CADPS2: variants seen among roughly 807,000 people sequenced by gnomAD.
CADPS2 encodes the protein calcium-dependent secretion activator 2.
A neutral mutation model predicts 172.5 loss-of-function variants in CADPS2; 93 were observed. That is an observed-to-expected ratio of 0.54 (90% CI 0.46 to 0.64). The LOEUF is 0.64. Among genes scored for constraint, CADPS2 ranks in the 30% least tolerant of loss-of-function variants. The pLI is 0.00. For missense variants in CADPS2, 1,420 were observed against 1,565.9 expected, an observed-to-expected ratio of 0.91 and a Z score of 1.57; for synonymous variants, 546 against 555.2, an observed-to-expected ratio of 0.98 and a Z score of 0.23.
intron 8 of CADPS2, among the ~76,000 whole-genome samples, chr7:122,552,356 C>A (rs1043738826): frequency 1.3e-5 from 2 of 152,058 alleles, no homozygotes; most frequent in Non-Finnish European, 2.9e-5. Flanking sequence ...GATAATTGGG[C>A]TATGAGGCAT....
At chr7:122,329,229 C>A (rs1457937900) in intron 28 of CADPS2, among the ~76,000 whole-genome samples, 1 of 152,132 alleles carries the variant, frequency 6.6e-6, no homozygotes, top group Non-Finnish European at 1.5e-5. Context: ...ATTAACAAAC[C>A]AAAGCAATGA....
intron 1 of CADPS2, among the ~76,000 whole-genome samples, chr7:122,818,394 T>C (rs991368406): frequency 9.2e-5 from 14 of 152,090 alleles, no homozygotes; most frequent in Admixed American, 2.6e-4. Context: ...TGTCGTAAAA[T>C]AGGCAAACGG....
chr7:122,369,273 T>G (rs554213917), intron 25 of CADPS2, among the ~76,000 whole-genome samples: 2,315 of 151,634 alleles, frequency 0.015, 30 homozygotes, highest in Non-Finnish European at 0.023. Context: ...TGGGACTACA[T>G]GTGCCCGCCA....
chr7:122,730,912 A>C (rs908373013), intron 2 of CADPS2, among the ~76,000 whole-genome samples: 3 of 151,554 alleles, frequency 2.0e-5, no homozygotes, highest in Non-Finnish European at 4.4e-5. Flanking sequence ...GACATTTTGC[A>C]AAAAAAGGCC....
intron 28 of CADPS2, among the ~76,000 whole-genome samples, chr7:122,333,979 G>C (rs1286090502): frequency 6.6e-6 from 1 of 151,772 alleles, no homozygotes; most frequent in Non-Finnish European, 1.5e-5. Flanking sequence ...ATTCACTGTT[G>C]ACTTGAATCA....
intron 1 of CADPS2, among the ~76,000 whole-genome samples, chr7:122,779,632 T>G (rs2139346023): frequency 6.6e-6 from 1 of 152,312 alleles, no homozygotes; most frequent in Middle Eastern, 3.4e-3. Flanking sequence ...GAGTATAGAC[T>G]TCTTGGTTCA....
chr7:122,513,358 ATGT>A, intron 8 of CADPS2, 43 bp from the exon 9 acceptor site: 2 of 1,390,126 alleles, frequency 1.4e-6, no homozygotes, highest in Non-Finnish European at 2.0e-6. Flanking sequence ...CAGATGAATA[ATGT>A]TGTGCTTCCA....
At chr7:122,620,288 G>A (rs182613984) in intron 5 of CADPS2, among the ~76,000 whole-genome samples, 3 of 152,170 alleles carry the variant, frequency 2.0e-5, no homozygotes, top group Admixed American at 6.5e-5. Context: ...ATTTACTCAC[G>A]GAATAAAAAT....
chr7:122,453,214 A>C (rs1016487822), intron 14 of CADPS2, among the ~76,000 whole-genome samples: 10 of 152,298 alleles, frequency 6.6e-5, no homozygotes, highest in Middle Eastern at 3.4e-3. Flanking sequence ...ACTATGGAAA[A>C]ATTAATGGCC....
At chr7:122,756,500 A>T (rs552988175) in intron 1 of CADPS2, among the ~76,000 whole-genome samples, 3 of 152,224 alleles carry the variant, frequency 2.0e-5, no homozygotes, top group Non-Finnish European at 4.4e-5. Context: ...AAAAAGGAAG[A>T]CATAGATGTT....
chr7:122,321,753 T>G (rs539949640), intron 29 of CADPS2, among the ~76,000 whole-genome samples: 20 of 152,358 alleles, frequency 1.3e-4, no homozygotes, highest in African/African-American at 4.3e-4. Flanking sequence ...GTGCTGGCAT[T>G]ACAGGCGTGA....
chr7:122,347,238 C>A (rs1485487709), intron 27 of CADPS2, among the ~76,000 whole-genome samples: 2 of 152,024 alleles, frequency 1.3e-5, no homozygotes, highest in East Asian at 3.9e-4. Context: ...GTGAGTGATG[C>A]TAGGACAGTA....
chr7:122,852,438 G>A (rs990423009), intron 1 of CADPS2, among the ~76,000 whole-genome samples: 1 of 152,184 alleles, frequency 6.6e-6, no homozygotes, highest in South Asian at 2.1e-4. Flanking sequence ...GAGGTAATTA[G>A]TGCAAAACAG....
intron 2 of CADPS2, chr7:122,699,280 G>C (rs905489612): frequency 5.7e-6 from 1 of 175,768 alleles, no homozygotes; most frequent in African/African-American, 2.4e-5. Context: ...TTATAAGATG[G>C]ATATAATCAC....
chr7:122,726,693 G>C (rs2091121334), intron 2 of CADPS2, among the ~76,000 whole-genome samples: 1 of 150,098 alleles, frequency 6.7e-6, no homozygotes, highest in Non-Finnish European at 1.5e-5. Context: ...CAGGGAAATG[G>C]GATTATTTAC....
At chr7:122,686,819 G>C (rs908422144) in intron 2 of CADPS2, among the ~76,000 whole-genome samples, 1 of 152,102 alleles carries the variant, frequency 6.6e-6, no homozygotes, top group South Asian at 2.1e-4. Context: ...CGAGTAGCTG[G>C]TATTACAGGA....
intron 1 of CADPS2, among the ~76,000 whole-genome samples, chr7:122,775,435 A>G (rs969840370): frequency 2.6e-5 from 4 of 152,224 alleles, no homozygotes; most frequent in Non-Finnish European, 5.9e-5. Flanking sequence ...TGCTGCATCT[A>G]AAGTGCATCT....
chr7:122,324,962 G>A (rs545821984), intron 29 of CADPS2, among the ~76,000 whole-genome samples: 1 of 152,072 alleles, frequency 6.6e-6, no homozygotes, highest in Admixed American at 6.6e-5. Flanking sequence ...AGTAGTTTTG[G>A]GTGGTCTCCA....
intron 1 of CADPS2, among the ~76,000 whole-genome samples, chr7:122,879,821 C>T (rs1359500391): frequency 2.6e-5 from 4 of 152,168 alleles, no homozygotes; most frequent in African/African-American, 9.7e-5. Flanking sequence ...ATTCATGATG[C>T]TGTACAAAGT....
Sources: allele counts gnomAD v4.1 joint callset (sites outside exome capture counted in the v4.1 genomes callset), GRCh38; gene constraint gnomAD v4.1.1; transcripts MANE v1.5; gene names NCBI Gene and HGNC (gene_info 2026-07-23, HGNC 2026-07-21).